Variants in ZRANB3 observed in about 807,000 individuals in gnomAD.
The protein encoded by ZRANB3 is zinc finger RANBP2-type containing 3.
ZRANB3 carries 125 observed loss-of-function variants against 133.8 expected under a neutral mutation model. The observed-to-expected ratio is 0.93, with a 90% CI of 0.81 to 1.08. The LOEUF is 1.08. ZRANB3 is among the 50% of genes least tolerant of loss of function. The probability of loss-of-function intolerance (pLI) is 0.00; values close to 1 mark genes in which losing one functional copy is unlikely to be tolerated. For synonymous variants in ZRANB3, 387 were observed against 432.7 expected (o/e 0.89, Z 1.31); for missense variants, 1,229 against 1,275.5 (o/e 0.96, Z 0.56).
At chr2:135,291,524 C>A (rs991186731) in intron 8 of ZRANB3, among the ~76,000 whole-genome samples, 5 of 151,776 alleles carry the variant, frequency 3.3e-5, no homozygotes, top group African/African-American at 1.2e-4. Flanking sequence ...ACGTAATCCC[C>A]AACTTCTTGG....
chr2:135,426,294 CA>C (rs1391328223), intron 2 of ZRANB3, among the ~76,000 whole-genome samples: 2 of 151,950 alleles, frequency 1.3e-5, no homozygotes, highest in African/African-American at 4.8e-5. Flanking sequence ...AAAACTATAC[CA>C]AAAAATTGAG....
chr2:135,270,650 C>T (rs1680469857), intron 10 of ZRANB3, among the ~76,000 whole-genome samples: 1 of 152,150 alleles, frequency 6.6e-6, no homozygotes, highest in Non-Finnish European at 1.5e-5. Flanking sequence ...TTTAACTGAA[C>T]ATGAGGGAAG....
At chr2:135,496,095 C>T in intron 2 of ZRANB3, among the ~76,000 whole-genome samples, 1 of 152,166 alleles carries the variant, frequency 6.6e-6, no homozygotes, top group Middle Eastern at 3.4e-3. Flanking sequence ...AAAATTTCCA[C>T]AGACTGGCCA....
intron 8 of ZRANB3, among the ~76,000 whole-genome samples, chr2:135,310,720 G>C (rs777189584): frequency 6.6e-6 from 1 of 151,716 alleles, no homozygotes; most frequent in Non-Finnish European, 1.5e-5. Flanking sequence ...CATCATTACT[G>C]AATACCAATT....
At chr2:135,350,921 T>A (rs562578843) in intron 4 of ZRANB3, among the ~76,000 whole-genome samples, 1 of 152,348 alleles carries the variant, frequency 6.6e-6, no homozygotes, top group South Asian at 2.1e-4. Context: ...TGTATCTTGC[T>A]GTCAATAAAT....
chr2:135,360,136 T>C (rs569512859), intron 3 of ZRANB3, among the ~76,000 whole-genome samples: 1 of 152,216 alleles, frequency 6.6e-6, no homozygotes, highest in Non-Finnish European at 1.5e-5. Flanking sequence ...CCCAGCACTT[T>C]GGGAGGCTGA....
chr2:135,379,580 A>G (rs1368901049), intron 3 of ZRANB3, among the ~76,000 whole-genome samples: 1 of 152,176 alleles, frequency 6.6e-6, no homozygotes, highest in Admixed American at 6.5e-5. Context: ...AGTGAAGGAG[A>G]AATAAAATCC....
chr2:135,403,715 C>A (rs771890741), intron 2 of ZRANB3, among the ~76,000 whole-genome samples: 1 of 152,174 alleles, frequency 6.6e-6, no homozygotes. Context: ...TAGGGGCAGA[C>A]TGACACCTCA....
chr2:135,321,869 C>G (rs1029344966), intron 6 of ZRANB3, among the ~76,000 whole-genome samples: 24 of 152,080 alleles, frequency 1.6e-4, no homozygotes, highest in Admixed American at 5.2e-4. Flanking sequence ...ACAATTTTCT[C>G]TCCAAGTTTA....
chr2:135,483,517 A>G (rs1691940946), intron 2 of ZRANB3, among the ~76,000 whole-genome samples: 1 of 151,742 alleles, frequency 6.6e-6, no homozygotes, highest in Non-Finnish European at 1.5e-5. Context: ...TTTTTTTATT[A>G]GTATTGCTAG....
At chr2:135,312,574 C>T (rs895879963) in intron 8 of ZRANB3, among the ~76,000 whole-genome samples, 1 of 151,970 alleles carries the variant, frequency 6.6e-6, no homozygotes, top group African/African-American at 2.4e-5. Flanking sequence ...TTCTAAAATC[C>T]TATATTTTTC....
chr2:135,403,216 G>C (rs1258237955), intron 2 of ZRANB3, among the ~76,000 whole-genome samples: 1 of 152,162 alleles, frequency 6.6e-6, no homozygotes, highest in African/African-American at 2.4e-5. Context: ...AAACAAAGGG[G>C]TGACAGATGG....
chr2:135,327,980 T>A (rs1373418989), intron 6 of ZRANB3, among the ~76,000 whole-genome samples: 1 of 152,178 alleles, frequency 6.6e-6, no homozygotes, highest in African/African-American at 2.4e-5. Flanking sequence ...TCCTTCTTTA[T>A]GTACTTAAGT....
chr2:135,527,092 C>A (rs1315914947), intron 1 of ZRANB3, among the ~76,000 whole-genome samples: 1 of 152,202 alleles, frequency 6.6e-6, no homozygotes, highest in Non-Finnish European at 1.5e-5. Context: ...CCCCAACCAC[C>A]TTGGGCACAT....
intron 12 of ZRANB3, among the ~76,000 whole-genome samples, chr2:135,234,509 C>T (rs187699819): frequency 2.0e-5 from 3 of 151,930 alleles, no homozygotes; most frequent in African/African-American, 7.2e-5. Context: ...CAGCACCACA[C>T]CTATTCCAAA....
chr2:135,425,872 G>GA (rs919760833), intron 2 of ZRANB3, among the ~76,000 whole-genome samples: 8 of 147,628 alleles, frequency 5.4e-5, no homozygotes, highest in South Asian at 2.1e-4. Flanking sequence ...ATTGAGATAC[G>GA]AAAAAAAAAC....
chr2:135,506,554 C>T (rs1693198782), intron 1 of ZRANB3, among the ~76,000 whole-genome samples: 1 of 152,028 alleles, frequency 6.6e-6, no homozygotes, highest in African/African-American at 2.4e-5. Flanking sequence ...GTCGCATACA[C>T]CATTAACAAA....
Position 135,197,225 on chromosome 2 carries a change from T to TACA in ZRANB3, c.*3116_*3117insTGT, listed in dbSNP as rs1693445839. ...GCAACAGAAAATGAGACATTATTTT[T>TACA]ATAATTTATTTTTGATGTTTGATAT... On this transcript the variant is annotated 3_prime_UTR_variant, in exon 21 of 21. Transcript: ENST00000264159. The TACA allele has an allele frequency of 6.6e-6, 1 of 152,216 alleles. No individual in the cohort carries two copies. Among genetic ancestry groups the TACA allele is most frequent in the Admixed American group, 6.5e-5 (1 of 15,286 alleles). 9.4% of individuals were successfully genotyped at this position (152,216 alleles called of 1,614,324 possible). A position where few individuals can be genotyped will look rare whatever the true frequency, so the allele number is the denominator to read the frequency against.
intron 2 of ZRANB3, among the ~76,000 whole-genome samples, chr2:135,437,947 G>A (rs1689616955): frequency 6.6e-6 from 1 of 152,144 alleles, no homozygotes; most frequent in Non-Finnish European, 1.5e-5. Flanking sequence ...AGTGGAGAGT[G>A]TGAATAGAAA....
Sources: allele counts gnomAD v4.1 joint callset (sites outside exome capture counted in the v4.1 genomes callset), GRCh38; gene constraint gnomAD v4.1.1; transcripts MANE v1.5; gene names NCBI Gene and HGNC (gene_info 2026-07-23, HGNC 2026-07-21).